EPHA3: variants seen among roughly 807,000 people sequenced by gnomAD.
EPHA3 encodes the protein ephrin type-A receptor 3.
A neutral mutation model predicts 107.1 loss-of-function variants in EPHA3; 42 were observed. The observed-to-expected ratio is 0.39, with a 90% CI of 0.31 to 0.51. The LOEUF is 0.51. Ranked by LOEUF, EPHA3 falls within the 20% of genes least tolerant of loss-of-function variation. EPHA3 has a pLI of 0.78. For missense variants in EPHA3, 1,183 were observed against 1,211.2 expected, an observed-to-expected ratio of 0.98 and a Z score of 0.35; for synonymous variants, 461 against 424.8, an observed-to-expected ratio of 1.09 and a Z score of -1.05.
At chr3:89,458,001 T>C (rs1710133958) in intron 15 of EPHA3, among the ~76,000 whole-genome samples, 1 of 151,992 alleles carries the variant, frequency 6.6e-6, no homozygotes, top group South Asian at 2.1e-4. Flanking sequence ...TCATTGACAG[T>C]GGTAGGAAGA....
At chr3:89,474,228 A>T (rs1467051656) in intron 16 of EPHA3, among the ~76,000 whole-genome samples, 1 of 152,210 alleles carries the variant, frequency 6.6e-6, no homozygotes, top group Non-Finnish European at 1.5e-5. Flanking sequence ...ACTTACAGGA[A>T]CAGTTTACGA....
Position 89,481,257 on chromosome 3 carries a change from T to C in EPHA3, c.*1755T>C. 4.3e-6 allele frequency: 1 copy of C among 232,304 alleles called. No homozygotes were observed. The highest frequency in any genetic ancestry group is 6.1e-5 in the East Asian group (1 of 16,382). 14.4% of individuals were successfully genotyped at this position (232,304 alleles called of 1,614,324 possible). On this transcript the variant is annotated 3_prime_UTR_variant, in exon 17 of 17. Coordinates refer to ENST00000336596, the MANE Select transcript of EPHA3 (RefSeq NM_005233.6). ...ATTTAGTGTAATAAGACTTAGATTGTGCTCCTTCGGATATGATTGTTTCTC... is the reference window on the plus strand; with the variant it reads ...ATTTAGTGTAATAAGACTTAGATTGCGCTCCTTCGGATATGATTGTTTCTC...
intron 5 of EPHA3, among the ~76,000 whole-genome samples, chr3:89,351,527 A>G (rs1707819731): frequency 6.7e-6 from 1 of 150,320 alleles, no homozygotes; most frequent in East Asian, 2.0e-4. Flanking sequence ...GGCACTCCCT[A>G]GTGAGATGAA....
chr3:89,441,103 G>C (rs1269574040), intron 13 of EPHA3, among the ~76,000 whole-genome samples: 1 of 152,168 alleles, frequency 6.6e-6, no homozygotes, highest in African/African-American at 2.4e-5. Context: ...AAGACACCTG[G>C]CTAAAATTAA....
At chr3:89,121,586 G>A (rs1243002386) in intron 1 of EPHA3, among the ~76,000 whole-genome samples, 1 of 151,878 alleles carries the variant, frequency 6.6e-6, no homozygotes, top group Non-Finnish European at 1.5e-5. Flanking sequence ...GTGAAACCCC[G>A]TCTCTACTAA....
chr3:89,314,628 A>G (rs1706852351), intron 3 of EPHA3, among the ~76,000 whole-genome samples: 1 of 151,968 alleles, frequency 6.6e-6, no homozygotes, highest in African/African-American at 2.4e-5. Flanking sequence ...CATCAGTAAC[A>G]TAAGATGCAT....
intron 5 of EPHA3, among the ~76,000 whole-genome samples, chr3:89,378,805 T>G (rs1262261502): frequency 1.3e-5 from 2 of 152,210 alleles, no homozygotes; most frequent in African/African-American, 4.8e-5. Flanking sequence ...ATCCAAAAAT[T>G]GAGCAGCTTA....
chr3:89,372,042 A>G lies in EPHA3; in HGVS notation c.1307-23795A>G, dbSNP rs1229970212. 4.6e-5 allele frequency among the ~76,000 whole-genome samples: 7 copies of G among 151,324 alleles called. No individual in the cohort carries two copies. In the East Asian group the frequency reaches 1.2e-3, roughly 25 times the overall value. On this transcript the variant is annotated intron_variant, in intron 5 of 16. Transcript: ENST00000336596. ...TAAAACCATTTTAGCAGAGAGAGGG[A>G]GGAAAGAAAAAAAATGTCACCACAA...
chr3:89,119,724 C>G (rs1199284035), intron 1 of EPHA3, among the ~76,000 whole-genome samples: 1 of 152,080 alleles, frequency 6.6e-6, no homozygotes, highest in Non-Finnish European at 1.5e-5. Flanking sequence ...CCAATTTATT[C>G]TACAGTGGGG....
chr3:89,318,323 A>G (rs185569889), intron 3 of EPHA3, among the ~76,000 whole-genome samples: 9 of 151,996 alleles, frequency 5.9e-5, no homozygotes, highest in Admixed American at 4.0e-4. Flanking sequence ...TATAATTTGT[A>G]CTTTATTAAC....
intron 3 of EPHA3, among the ~76,000 whole-genome samples, chr3:89,300,215 T>C (rs1347266017): frequency 6.6e-6 from 1 of 151,982 alleles, no homozygotes; most frequent in Admixed American, 6.6e-5. Context: ...GGATTATTAT[T>C]TTTTTAATCA....
intron 5 of EPHA3, among the ~76,000 whole-genome samples, chr3:89,350,606 T>C (rs1707788023): frequency 6.6e-6 from 1 of 151,118 alleles, no homozygotes; most frequent in African/African-American, 2.4e-5. Context: ...TGAAGCCTTC[T>C]TCTCTCAGCT....
chr3:89,322,092 G>GCA (rs1202111474), intron 3 of EPHA3, among the ~76,000 whole-genome samples: 2 of 150,964 alleles, frequency 1.3e-5, no homozygotes, highest in African/African-American at 4.9e-5. Flanking sequence ...AATAGTAACT[G>GCA]CACACACACA....
intron 3 of EPHA3, among the ~76,000 whole-genome samples, chr3:89,266,571 T>C (rs1182646702): frequency 6.6e-6 from 1 of 152,120 alleles, no homozygotes; most frequent in African/African-American, 2.4e-5. Flanking sequence ...TATTTATAAA[T>C]TAACTCTCAA....
At chr3:89,392,788 A>G (rs1333105753) in intron 5 of EPHA3, among the ~76,000 whole-genome samples, 6 of 152,178 alleles carry the variant, frequency 3.9e-5, no homozygotes, top group Non-Finnish European at 8.8e-5. Context: ...ACTCTTTGAT[A>G]TCTGAAAATT....
chr3:89,444,238 A>G (rs1385339562), intron 13 of EPHA3, among the ~76,000 whole-genome samples: 1 of 152,192 alleles, frequency 6.6e-6, no homozygotes, highest in Admixed American at 6.5e-5. Context: ...GACAGGCACT[A>G]CTGCTACTAC....
intron 2 of EPHA3, among the ~76,000 whole-genome samples, chr3:89,199,513 G>A (rs2107156992): frequency 1.6e-5 from 1 of 61,644 alleles, no homozygotes; most frequent in Admixed American, 1.9e-4. Flanking sequence ...TTATATTTTA[G>A]CATAACATAT....
intron 3 of EPHA3, among the ~76,000 whole-genome samples, chr3:89,314,841 C>A (rs35541266): frequency 6.6e-6 from 1 of 151,868 alleles, no homozygotes; most frequent in Non-Finnish European, 1.5e-5. Context: ...TACTTAACAA[C>A]GGGAGTACAT....
chr3:89,265,299 A>C (rs1705510544), intron 3 of EPHA3, among the ~76,000 whole-genome samples: 1 of 152,178 alleles, frequency 6.6e-6, no homozygotes, highest in Non-Finnish European at 1.5e-5. Context: ...AAAATGGGGA[A>C]TCCCTGACCA....
Sources: gnomAD v4.1 joint callset for allele counts (sites outside exome capture counted in the v4.1 genomes callset) on GRCh38, gnomAD v4.1.1 for gene constraint, MANE v1.5 for transcripts, NCBI Gene and HGNC (gene_info 2026-07-23, HGNC 2026-07-21) for gene names.